The following ZNF500 variants were observed in gnomAD, a reference collection of about 807,000 sequenced individuals.
The protein encoded by ZNF500 is zinc finger protein 500.
Under a neutral mutation model 30.1 loss-of-function variants are expected in ZNF500, and 31 were observed. The observed-to-expected ratio is 1.03, with a 90% CI of 0.77 to 1.39. The LOEUF is 1.39. Ranked by LOEUF, ZNF500 falls within the 40% of genes most tolerant of loss-of-function variation. ZNF500 has a pLI of 0.00. For missense variants in ZNF500, 817 were observed against 657.8 expected, an observed-to-expected ratio of 1.24 and a Z score of -2.65; for synonymous variants, 392 against 282.0, an observed-to-expected ratio of 1.39 and a Z score of -3.91.
At chr16:4,744,967 T>G (rs1303291124), downstream of ZNF500, 14 of 1,613,890 alleles carry the variant, frequency 8.7e-6, no homozygotes, top group Non-Finnish European at 1.2e-5. Context: ...GGAAGGTGCC[T>G]GCCGACACTC....
downstream of ZNF500, chr16:4,744,853 C>A: frequency 6.2e-7 from 1 of 1,608,380 alleles, no homozygotes; most frequent in Non-Finnish European, 8.5e-7. Flanking sequence ...ATCAGCCTCT[C>A]CTTTGGCCAT....
intron 2 of ZNF500, chr16:4,763,649 C>G: frequency 9.1e-6 from 9 of 985,410 alleles, no homozygotes; most frequent in Non-Finnish European, 1.1e-5. Flanking sequence ...CACAGCCTGC[C>G]CCTCTCAGCT....
chr16:4,763,034 G>C, intron 2 of ZNF500: 1 of 985,418 alleles, frequency 1.0e-6, no homozygotes, highest in Non-Finnish European at 1.2e-6. Context: ...GATAGACCCT[G>C]GGCCAGAAGA....
At chr16:4,746,386 G>A (rs2082017725), downstream of ZNF500, 3 of 1,612,210 alleles carry the variant, frequency 1.9e-6, no homozygotes, top group Non-Finnish European at 2.5e-6. Flanking sequence ...TGTGCCTCAA[G>A]GAAGCAGGGC....
Position 4,751,521 on chromosome 16 carries a change from C to T in ZNF500, c.*855G>A, listed in dbSNP as rs74411066. 7 of 1,502,642 alleles carry T rather than the reference C, an allele frequency of 4.7e-6. No homozygotes were observed. Among genetic ancestry groups the T allele is most frequent in the Middle Eastern group, 4.6e-4 (2 of 4,370 alleles). The allele number at this position is 1,502,642 out of a possible 1,614,324, so 93.1% of individuals were successfully genotyped here. On this transcript the variant is annotated 3_prime_UTR_variant, in exon 6 of 6. Transcript: ENST00000219478. ...CAAAGGGGACTGGAATGCTGCAGAGCCCCGGGCTCCATTTGGAAACTCTGG... is the reference window on the plus strand; with the variant it reads ...CAAAGGGGACTGGAATGCTGCAGAGTCCCGGGCTCCATTTGGAAACTCTGG...
In ZNF500 at chr16:4,766,074, G is replaced by T; in HGVS notation, c.-96C>A. The stretch of plus-strand genomic sequence containing the variant: ...ACACAGGAAGAGAGTTTTTTTCAGG[G>T]CCCTGTGGAGAGACGATAAAACCAT... On this transcript the variant is annotated splice_region_variant and 5_prime_UTR_variant, in exon 2 of 6. Transcript: ENST00000219478. The T allele has an allele frequency of 7.1e-7, 1 of 1,411,420 alleles. No individual in the cohort carries two copies. The highest frequency in any genetic ancestry group is 9.4e-7 in the Non-Finnish European group (1 of 1,065,378). The allele number at this position is 1,411,420 out of a possible 1,614,324, so 87.4% of individuals were successfully genotyped here.
In ZNF500 at chr16:4,752,804, G is replaced by GGGAC; in HGVS notation, c.1011_1014dup (p.His339ValfsTer26). 6.2e-7 allele frequency: 1 copy of GGGAC among 1,614,260 alleles called. No homozygotes were observed. Among genetic ancestry groups the GGGAC allele is most frequent in the East Asian group, 2.2e-5 (1 of 44,884 alleles). On this transcript the variant is annotated frameshift_variant, in exon 6 of 6. Transcript: ENST00000219478. LOFTEE classifies it low-confidence loss of function (END_TRUNC). ...TGTGTGCGCTGGTGCTTGGTCAAGT[G>GGGAC]GGACGTCTTGCTGAAGCCTTTGCCA...
Position 4,762,911 on chromosome 16 carries a change from T to TTCCCTGCAGCCAGC in ZNF500, c.415-169_415-156dup, listed in dbSNP as rs2082222837. The stretch of plus-strand genomic sequence containing the variant: ...CCCTCTGCCCAGCCGTGTGGCAGTG[T>TTCCCTGCAGCCAGC]TCCCTGCAGCCAGCTCCCAGCCTGC... On this transcript the variant is annotated intron_variant, in intron 2 of 5. Transcript: ENST00000219478. 4 of 985,208 alleles carry TTCCCTGCAGCCAGC rather than the reference T, an allele frequency of 4.1e-6. No individual in the cohort carries two copies. The South Asian group carries it at 1.4e-4, about 35-fold the overall frequency. The allele number at this position is 985,208 out of a possible 1,614,324, so 61.0% of individuals were successfully genotyped here.
At position 4,751,928 on chromosome 16, in the gene ZNF500, G is replaced by T; in HGVS notation, c.*448C>A. 1 of 344,172 alleles carries T rather than the reference G, an allele frequency of 2.9e-6. No individual in the cohort carries two copies. The highest frequency in any genetic ancestry group is 4.6e-6 in the Non-Finnish European group (1 of 217,146). The allele number at this position is 344,172 out of a possible 1,614,324, so 21.3% of individuals were successfully genotyped here. A position where few individuals can be genotyped will look rare whatever the true frequency, so the allele number is the denominator to read the frequency against. On this transcript the variant is annotated 3_prime_UTR_variant, in exon 6 of 6. Coordinates refer to ENST00000219478, the MANE Select transcript of ZNF500 (RefSeq NM_021646.4). ...GTCTCAAAAAAAAAAGGGGGGGGGA[G>T]CAGGTGGGGGGTACACACAGAGACA...
rs1271513088 is a variant in ZNF500 at position 4,748,834 on chromosome 16, A to G, written c.*3542T>C. ...CAGTAGGGCGCCGGGCCTTTGGGAC[A>G]GTGTCCCAGCTTCCCCTGGGGTTCA... On this transcript the variant is annotated 3_prime_UTR_variant, in exon 6 of 6. Transcript: ENST00000219478. 6.6e-6 allele frequency: 1 copy of G among 152,476 alleles called. No homozygotes were observed. The highest frequency in any genetic ancestry group is 2.4e-5 in the African/African-American group (1 of 41,588). 9.4% of individuals were successfully genotyped at this position (152,476 alleles called of 1,614,324 possible). A position where few individuals can be genotyped will look rare whatever the true frequency, so the allele number is the denominator to read the frequency against.
chr16:4,755,272 G>C (rs2082124515), intron 5 of ZNF500, among the ~76,000 whole-genome samples: 1 of 152,038 alleles, frequency 6.6e-6, no homozygotes, highest in South Asian at 2.1e-4. Context: ...TGAGATATAG[G>C]CGTGAGCCAC....
rs1387519413 is a variant in ZNF500, at chr16:4,749,333, A to C, written c.*3043T>G. On this transcript the variant is annotated 3_prime_UTR_variant, in exon 6 of 6. Coordinates refer to ENST00000219478, the MANE Select transcript of ZNF500 (RefSeq NM_021646.4). ...TTTCTTCCATTTCTCCCACCTTTTT[A>C]ATGCCAGTAACCTCACTGAGAATGT... 1 of 154,312 alleles carries C rather than the reference A, an allele frequency of 6.5e-6. No individual in the cohort carries two copies. The highest frequency in any genetic ancestry group is 2.4e-5 in the African/African-American group (1 of 41,492). 9.6% of individuals were successfully genotyped at this position (154,312 alleles called of 1,614,324 possible).
At position 4,748,474 on chromosome 16, in the gene ZNF500, C is replaced by G. The variant is rs2082047086; in HGVS notation, c.*3902G>C. 1 of 152,202 alleles carries G rather than the reference C, an allele frequency of 6.6e-6. No individual in the cohort carries two copies. Among genetic ancestry groups the G allele is most frequent in the Non-Finnish European group, 1.5e-5 (1 of 68,054 alleles). 9.4% of individuals were successfully genotyped at this position (152,202 alleles called of 1,614,324 possible). A position where few individuals can be genotyped will look rare whatever the true frequency, so the allele number is the denominator to read the frequency against. Reference sequence around the variant, plus strand: ...GACCTTTATGAATCTAGACAGAATACTGGAAACCCCTGGAAATGCTGTCCT... The same window carrying G: ...GACCTTTATGAATCTAGACAGAATAGTGGAAACCCCTGGAAATGCTGTCCT... On this transcript the variant is annotated 3_prime_UTR_variant, in exon 6 of 6. Coordinates refer to ENST00000219478, the MANE Select transcript of ZNF500 (RefSeq NM_021646.4).
chr16:4,762,835 T>A, intron 2 of ZNF500, 79 bp from the exon 3 acceptor site: 1 of 1,475,908 alleles, frequency 6.8e-7, no homozygotes, highest in Non-Finnish European at 9.0e-7. Flanking sequence ...ACACCCCTCA[T>A]CTCAGGCACC....
chr16:4,753,091 C>G (rs1339346886), intron 5 of ZNF500, 33 bp from the exon 6 acceptor site: 1 of 1,501,306 alleles, frequency 6.7e-7, no homozygotes, highest in South Asian at 1.3e-5. Flanking sequence ...TCTAGGAACT[C>G]ACAGCAAGAG....
intron 2 of ZNF500, 72 bp downstream of exon 2, chr16:4,765,493 G>C (rs2082254100): frequency 1.3e-6 from 2 of 1,517,274 alleles, no homozygotes; most frequent in African/African-American, 1.4e-5. Context: ...CAATGACCAA[G>C]GAATCTGCAG....
downstream of ZNF500, chr16:4,746,959 A>G (rs928939650): frequency 3.2e-6 from 5 of 1,553,948 alleles, no homozygotes; most frequent in African/African-American, 5.6e-5. Context: ...AGTGAGGAGG[A>G]GGAGGAGGAA....
chr16:4,763,404 A>AG (rs2141848533), intron 2 of ZNF500, among the ~76,000 whole-genome samples: 1 of 147,554 alleles, frequency 6.8e-6, no homozygotes, highest in Admixed American at 6.9e-5. Context: ...ATCTCAGGGA[A>AG]GAAAAAAAAA....
chr16:4,746,684 G>C, downstream of ZNF500: 1 of 975,366 alleles, frequency 1.0e-6, no homozygotes. Context: ...CTGCAGGGAG[G>C]GAAGAGGGGC....
Sources: gnomAD v4.1 joint callset for allele counts (sites outside exome capture counted in the v4.1 genomes callset) on GRCh38, gnomAD v4.1.1 for gene constraint, MANE v1.5 for transcripts, NCBI Gene and HGNC (gene_info 2026-07-23, HGNC 2026-07-21) for gene names.